The following PCNX1 variants were observed in gnomAD, a reference collection of about 807,000 sequenced individuals.
PCNX1 encodes the protein pecanex-like protein 1.
A neutral mutation model predicts 242.2 loss-of-function variants in PCNX1; 78 were observed. That is an observed-to-expected ratio of 0.32 (90% confidence interval 0.27 to 0.39). PCNX1 has a LOEUF of 0.39. Among genes scored for constraint, PCNX1 ranks in the 10% least tolerant of loss-of-function variants. The pLI is 1.00. For synonymous variants in PCNX1, 1,024 were observed against 1,032.9 expected (o/e 0.99, Z 0.17); for missense variants, 2,581 against 2,856.5 (o/e 0.90, Z 2.20).
At chr14:70,958,800 C>T (rs1320994534) in intron 2 of PCNX1, among the ~76,000 whole-genome samples, 1 of 149,464 alleles carries the variant, frequency 6.7e-6, no homozygotes. Flanking sequence ...GATGACTGGA[C>T]AGTAGAGCCC....
intron 1 of PCNX1, among the ~76,000 whole-genome samples, chr14:70,914,866 C>T (rs1249230113): frequency 5.3e-5 from 8 of 152,152 alleles, no homozygotes; most frequent in Non-Finnish European, 1.0e-4. Flanking sequence ...TAAATGCACA[C>T]GTTTGCGTAG....
chr14:70,932,179 T>C (rs2140167164), intron 1 of PCNX1, among the ~76,000 whole-genome samples: 1 of 152,336 alleles, frequency 6.6e-6, no homozygotes, highest in East Asian at 1.9e-4. Flanking sequence ...TTTAGTGTTT[T>C]AAATTTGGAA....
At chr14:71,036,848 G>C (rs991183371) in intron 19 of PCNX1, among the ~76,000 whole-genome samples, 1 of 152,094 alleles carries the variant, frequency 6.6e-6, no homozygotes, top group African/African-American at 2.4e-5. Context: ...GCTTGATGGG[G>C]ATGGCATTGA....
intron 19 of PCNX1, among the ~76,000 whole-genome samples, chr14:71,040,294 A>G (rs186443799): frequency 1.2e-4 from 19 of 152,278 alleles, no homozygotes; most frequent in Admixed American, 1.1e-3. Context: ...GTACATGAAG[A>G]TGTTGCTCCA....
At chr14:70,935,358 GC>G (rs1189963596) in intron 1 of PCNX1, among the ~76,000 whole-genome samples, 1 of 152,196 alleles carries the variant, frequency 6.6e-6, no homozygotes, top group African/African-American at 2.4e-5. Flanking sequence ...AACAGCCTGG[GC>G]AACATAGCGA....
Position 71,019,105 on chromosome 14 carries a change from T to A in PCNX1, c.3093T>A (p.Asp1031Glu). Reference protein sequence around the residue: ...SILLIQGFFRDIWVFQFCLVI... With the variant: ...SILLIQGFFREIWVFQFCLVI... Reference sequence around the variant, plus strand: ...TTCTCATACAAGGATTCTTCAGAGATATCTGGGTCTTCCAGTTCTGCCTCG... The same window carrying A: ...TTCTCATACAAGGATTCTTCAGAGAAATCTGGGTCTTCCAGTTCTGCCTCG... The change falls in exon 12 of 36, where the codon GAT (aspartate) becomes GAA (glutamate). Residue 1031 changes from aspartate to glutamate, a missense_variant. Asp to Glu is a conservative substitution (Grantham distance 45). Transcript: ENST00000304743. The A allele has an allele frequency of 1.2e-6, 2 of 1,613,502 alleles. No individual in the cohort carries two copies. Among genetic ancestry groups the A allele is most frequent in the Middle Eastern group, 1.6e-4 (1 of 6,062 alleles).
intron 1 of PCNX1, among the ~76,000 whole-genome samples, chr14:70,940,615 T>C (rs1367156752): frequency 6.6e-6 from 1 of 152,184 alleles, no homozygotes; most frequent in Non-Finnish European, 1.5e-5. Flanking sequence ...TTGGAGTTGC[T>C]CTTCTTGAGG....
intron 1 of PCNX1, among the ~76,000 whole-genome samples, chr14:70,942,370 T>A (rs932597606): frequency 5.9e-5 from 9 of 152,346 alleles, no homozygotes; most frequent in Non-Finnish European, 5.9e-5. Flanking sequence ...TAGTATTCAT[T>A]TTTAAGGATT....
At chr14:71,022,194 G>A (rs759417303) in intron 12 of PCNX1, among the ~76,000 whole-genome samples, 8 of 152,070 alleles carry the variant, frequency 5.3e-5, no homozygotes, top group Non-Finnish European at 1.0e-4. Context: ...TTTAATGATT[G>A]TATATTAAAA....
At chr14:71,090,517 T>C (rs188212568) in intron 30 of PCNX1, among the ~76,000 whole-genome samples, 42 of 152,272 alleles carry the variant, frequency 2.8e-4, no homozygotes, top group Admixed American at 2.5e-3. Flanking sequence ...TATTTGAAAA[T>C]CTCTGTGAAA....
At chr14:71,072,534 C>T (rs1344089378) in intron 26 of PCNX1, among the ~76,000 whole-genome samples, 1 of 152,168 alleles carries the variant, frequency 6.6e-6, no homozygotes, top group Non-Finnish European at 1.5e-5. Context: ...TATCTTTCAT[C>T]GTACCACCAC....
intron 6 of PCNX1, among the ~76,000 whole-genome samples, chr14:70,986,399 T>C (rs546697302): frequency 2.0e-5 from 3 of 152,340 alleles, no homozygotes; most frequent in African/African-American, 7.2e-5. Flanking sequence ...TGCATCATAA[T>C]ATGCAGCTAT....
intron 1 of PCNX1, among the ~76,000 whole-genome samples, chr14:70,937,417 C>G (rs2057053061): frequency 6.6e-6 from 1 of 152,142 alleles, no homozygotes; most frequent in Non-Finnish European, 1.5e-5. Flanking sequence ...TTGTTTCTGT[C>G]AGATTTGTCA....
At chr14:71,037,534 C>T (rs1364631654) in intron 19 of PCNX1, among the ~76,000 whole-genome samples, 4 of 151,158 alleles carry the variant, frequency 2.6e-5, no homozygotes, top group African/African-American at 9.7e-5. Flanking sequence ...TTTTCTGCAT[C>T]TATTGAGATA....
rs143470734 is a variant in PCNX1, at chr14:71,082,212, G to A, written c.5337+5793G>A. 1.5e-3 allele frequency among the ~76,000 whole-genome samples: 225 copies of A among 152,272 alleles called. 1 individual carries two copies. The highest frequency in any genetic ancestry group is 5.3e-3 in the African/African-American group (219 of 41,546). On this transcript the variant is annotated intron_variant, in intron 28 of 35. Coordinates refer to ENST00000304743, the MANE Select transcript of PCNX1 (RefSeq NM_014982.3). ...CTGAGTTCTAATTTGATTGCACTGT[G>A]GTCTGAGAGACCGTTTGTTTTGATA...
chr14:71,047,669 C>G (rs981636442), intron 21 of PCNX1, 138 bp from the exon 22 acceptor site: 5 of 619,080 alleles, frequency 8.1e-6, no homozygotes, highest in Admixed American at 6.0e-5. Flanking sequence ...TTACCTAGCT[C>G]TATACATCAT....
intron 2 of PCNX1, among the ~76,000 whole-genome samples, chr14:70,951,155 A>G (rs945966631): frequency 2.0e-5 from 3 of 151,918 alleles, no homozygotes; most frequent in African/African-American, 7.3e-5. Context: ...TAAGTAACAA[A>G]TTTTTTCCCT....
chr14:70,954,771 A>G (rs183523483), intron 2 of PCNX1, among the ~76,000 whole-genome samples: 3 of 152,196 alleles, frequency 2.0e-5, no homozygotes, highest in Admixed American at 1.3e-4. Flanking sequence ...ACTGGCTATG[A>G]TATGTAGCAC....
chr14:71,057,324 C>G (rs2061209896), intron 25 of PCNX1, among the ~76,000 whole-genome samples, 185 bp from the exon 26 acceptor site: 1 of 152,192 alleles, frequency 6.6e-6, no homozygotes, highest in Non-Finnish European at 1.5e-5. Flanking sequence ...ACTTCTAAAT[C>G]TAAATTCAGA....
Sources: allele counts gnomAD v4.1 joint callset (sites outside exome capture counted in the v4.1 genomes callset), GRCh38; gene constraint gnomAD v4.1.1; transcripts MANE v1.5; gene names NCBI Gene and HGNC (gene_info 2026-07-23, HGNC 2026-07-21).